MYO16: variants seen among roughly 807,000 people sequenced by gnomAD.
MYO16 encodes the protein myosin XVI.
A neutral mutation model predicts 205.3 loss-of-function variants in MYO16; 94 were observed. That is an observed-to-expected ratio of 0.46 (90% CI 0.39 to 0.54). The LOEUF is 0.54. MYO16 is among the 20% of genes least tolerant of loss of function. MYO16 has a pLI of 0.00. For missense variants in MYO16, 2,315 were observed against 2,387.5 expected, an observed-to-expected ratio of 0.97 and a Z score of 0.63; for synonymous variants, 988 against 954.0, an observed-to-expected ratio of 1.04 and a Z score of -0.66.
chr13:108,622,292 T>C (rs1304005704), intron 1 of MYO16, among the ~76,000 whole-genome samples: 1 of 152,192 alleles, frequency 6.6e-6, no homozygotes, highest in Non-Finnish European at 1.5e-5. Context: ...ATTGTACTTG[T>C]TGAGCACCTA....
intron 28 of MYO16, among the ~76,000 whole-genome samples, chr13:109,117,490 A>G (rs937719733): frequency 4.0e-5 from 6 of 148,184 alleles, no homozygotes; most frequent in Admixed American, 2.0e-4. Flanking sequence ...ATGTATATAT[A>G]TGTAATATAT....
intron 1 of MYO16, among the ~76,000 whole-genome samples, chr13:108,602,465 A>AT (rs1415558282): frequency 6.6e-6 from 1 of 152,158 alleles, no homozygotes; most frequent in African/African-American, 2.4e-5. Flanking sequence ...AGTTTTGAAG[A>AT]TGTTTTGACA....
chr13:108,564,770 G>A, the MYO16 span, among the ~76,000 whole-genome samples: 1 of 152,092 alleles, frequency 6.6e-6, no homozygotes, highest in Admixed American at 6.6e-5. Context: ...TATTTTGGTA[G>A]TTTCATAGTC....
chr13:108,546,672 A>T, the MYO16 span, among the ~76,000 whole-genome samples: 5 of 152,264 alleles, frequency 3.3e-5, no homozygotes, highest in East Asian at 7.7e-4. Flanking sequence ...TGAGTTCCAG[A>T]GTGCGTCATT....
chr13:108,851,403 T>C (rs988778623), intron 10 of MYO16, among the ~76,000 whole-genome samples: 2 of 152,142 alleles, frequency 1.3e-5, no homozygotes, highest in Admixed American at 1.3e-4. Context: ...CATCCCTAAA[T>C]TGATGGTGAA....
chr13:108,538,590 G>A, the MYO16 span, among the ~76,000 whole-genome samples: 1 of 152,020 alleles, frequency 6.6e-6, no homozygotes, highest in Admixed American at 6.6e-5. Context: ...TCAAGAGGTA[G>A]AGGAACCTAT....
the MYO16 span, among the ~76,000 whole-genome samples, chr13:108,499,163 T>C: frequency 3.3e-5 from 5 of 152,342 alleles, no homozygotes; most frequent in African/African-American, 1.2e-4. Flanking sequence ...GTTTTAAGCA[T>C]GGACTTTTTT....
At chr13:108,637,701 C>G (rs935837092) in intron 1 of MYO16, among the ~76,000 whole-genome samples, 1 of 151,864 alleles carries the variant, frequency 6.6e-6, no homozygotes, top group Non-Finnish European at 1.5e-5. Flanking sequence ...ATGGCAAAAC[C>G]CCATCTCTAC....
chr13:109,007,812 A>G (rs1885450632), intron 21 of MYO16, among the ~76,000 whole-genome samples: 1 of 152,158 alleles, frequency 6.6e-6, no homozygotes, highest in Non-Finnish European at 1.5e-5. Flanking sequence ...TAAAGAAAAT[A>G]ATTTCTTCAA....
intron 23 of MYO16, among the ~76,000 whole-genome samples, chr13:109,042,024 C>T (rs1886900748): frequency 6.6e-6 from 1 of 152,084 alleles, no homozygotes; most frequent in Non-Finnish European, 1.5e-5. Context: ...ACCACCACAC[C>T]TGGCTAGTTT....
intron 7 of MYO16, among the ~76,000 whole-genome samples, chr13:108,811,843 C>A (rs1340193704): frequency 6.6e-6 from 1 of 152,202 alleles, no homozygotes; most frequent in Non-Finnish European, 1.5e-5. Context: ...CCCCCTCCCC[C>A]ACTCTTCTGT....
intron 27 of MYO16, among the ~76,000 whole-genome samples, chr13:109,100,539 T>G (rs201477095): frequency 2.0e-5 from 3 of 152,242 alleles, no homozygotes; most frequent in East Asian, 1.9e-4. Context: ...TTCATGACAG[T>G]GCTAAACATA....
At chr13:108,994,164 T>C (rs978716793) in intron 21 of MYO16, among the ~76,000 whole-genome samples, 4 of 152,182 alleles carry the variant, frequency 2.6e-5, no homozygotes, top group Non-Finnish European at 5.9e-5. Context: ...TTGGAATACA[T>C]TTACAGCCTG....
At position 109,078,409 on chromosome 13, in the gene MYO16, C is replaced by G. The variant is rs140169744; in HGVS notation, c.3336-22376C>G. Among the ~76,000 whole-genome samples, 5 of 152,084 alleles carry G rather than the reference C, an allele frequency of 3.3e-5. No homozygotes were observed. The East Asian group carries it at 9.7e-4, about 29-fold the overall frequency. Reference sequence around the variant, plus strand: ...AGCTGAGATCTCATGCCACTGTGCTCCGGTCTGGGCAACAGAGCAAAACTC... The same window carrying G: ...AGCTGAGATCTCATGCCACTGTGCTGCGGTCTGGGCAACAGAGCAAAACTC... On this transcript the variant is annotated intron_variant, in intron 27 of 34. Coordinates refer to ENST00000457511, the MANE Select transcript of MYO16 (RefSeq NM_001198950.3).
intron 1 of MYO16, among the ~76,000 whole-genome samples, chr13:108,639,468 C>A (rs994535983): frequency 6.6e-6 from 1 of 152,086 alleles, no homozygotes; most frequent in African/African-American, 2.4e-5. Context: ...CTATTCAAAC[C>A]CAAGCAGACC....
chr13:108,744,681 C>T (rs1226752392), intron 4 of MYO16, among the ~76,000 whole-genome samples: 1 of 152,286 alleles, frequency 6.6e-6, no homozygotes, highest in East Asian at 1.9e-4. Context: ...CATTGTTTAT[C>T]TTACTTCATA....
chr13:108,961,455 C>T, intron 17 of MYO16, 84 bp from the exon 18 acceptor site: 3 of 1,098,688 alleles, frequency 2.7e-6, no homozygotes, highest in African/African-American at 3.1e-5. Flanking sequence ...ATTTTTGTAA[C>T]TTACTTTTAG....
At chr13:108,687,200 T>A (rs1206864072) in intron 2 of MYO16, among the ~76,000 whole-genome samples, 1 of 152,244 alleles carries the variant, frequency 6.6e-6, no homozygotes, top group Non-Finnish European at 1.5e-5. Flanking sequence ...TAGCAAAGTA[T>A]AATTAGAATA....
chr13:109,165,980 C>G (rs117374597), intron 33 of MYO16, among the ~76,000 whole-genome samples: 1 of 152,102 alleles, frequency 6.6e-6, no homozygotes, highest in Non-Finnish European at 1.5e-5. Context: ...GGGAGAAACA[C>G]GTGTACATTT....
Sources: gnomAD v4.1 joint callset for allele counts (sites outside exome capture counted in the v4.1 genomes callset) on GRCh38, gnomAD v4.1.1 for gene constraint, MANE v1.5 for transcripts, NCBI Gene and HGNC (gene_info 2026-07-23, HGNC 2026-07-21) for gene names.